Variants in ZNHIT6 observed in about 807,000 individuals in gnomAD.
ZNHIT6 encodes box C/D snoRNA protein 1.
In ZNHIT6, 45 loss-of-function variants were observed where a neutral mutation model predicts 57.2. The ratio of observed to expected loss-of-function variants is 0.79; its 90% CI spans 0.62 to 1.01. The LOEUF is 1.01. Among genes scored for constraint, ZNHIT6 ranks in the 50% least tolerant of loss-of-function variants. The pLI, the probability that ZNHIT6 is intolerant of heterozygous loss-of-function variation, is 0.00. For missense variants in ZNHIT6, 528 were observed against 567.3 expected (o/e 0.93, Z 0.70); for synonymous variants, 188 against 190.0 (o/e 0.99, Z 0.09).
chr1:85,655,348 A>C (rs1661032437), intron 9 of ZNHIT6, among the ~76,000 whole-genome samples: 1 of 152,164 alleles, frequency 6.6e-6, no homozygotes, highest in Non-Finnish European at 1.5e-5. Context: ...GCGAGGGAGA[A>C]TGGATGAAAG....
At chr1:85,670,247 C>T (rs1257980578) in intron 8 of ZNHIT6, among the ~76,000 whole-genome samples, 1 of 152,176 alleles carries the variant, frequency 6.6e-6, no homozygotes, top group Admixed American at 6.5e-5. Flanking sequence ...ATATTCTAGT[C>T]ATGTCCATTC....
chr1:85,678,289 C>T (rs1038792756), intron 7 of ZNHIT6, among the ~76,000 whole-genome samples: 3 of 152,032 alleles, frequency 2.0e-5, no homozygotes, highest in East Asian at 1.9e-4. Context: ...CAGAGTTTTT[C>T]GTTCAACCTC....
At position 85,677,215 on chromosome 1, in the gene ZNHIT6, TG is replaced by T; in HGVS notation, c.1247+20del. ...CAGAACTAAAAAATATTTAAAGAAA[TG>T]GGGAGGGGAGCAATTTTACCTTACT... On this transcript the variant is annotated intron_variant, in intron 8 of 9. Transcript: ENST00000370574. The T allele has an allele frequency of 1.3e-6, 2 of 1,557,510 alleles. No homozygotes were observed. The highest frequency in any genetic ancestry group is 1.4e-5 in the African/African-American group (1 of 72,556).
At position 85,707,526 on chromosome 1, in the gene ZNHIT6, C is replaced by G. The variant is rs1279482906; in HGVS notation, c.656+103G>C. On this transcript the variant is annotated intron_variant, in intron 1 of 9. Transcript: ENST00000370574. ...GACTCCAGAAACCCAAACTTGTGCT[C>G]ATTTTTCATTATTCCACCTTCTCCT... 181 of 1,346,438 alleles carry G rather than the reference C, an allele frequency of 1.3e-4. 1 individual carries two copies. The highest frequency in any genetic ancestry group is 1.1e-5 in the Non-Finnish European group (11 of 999,834). 83.4% of individuals were successfully genotyped at this position (1,346,438 alleles called of 1,614,324 possible).
chr1:85,667,961 A>AAAAAAAAATGTATATATATATAT, intron 8 of ZNHIT6, among the ~76,000 whole-genome samples: 1 of 18,200 alleles, frequency 5.5e-5, no homozygotes, highest in African/African-American at 2.1e-4. Flanking sequence ...AAAAAAAAAA[A>AAAAAAAAATGTATATATATATAT]ATATATATAT....
chr1:85,674,335 A>G (rs1355892373), intron 8 of ZNHIT6, among the ~76,000 whole-genome samples: 10 of 151,490 alleles, frequency 6.6e-5, no homozygotes, highest in African/African-American at 2.4e-4. Flanking sequence ...AGGTCCTGCT[A>G]TGTTTCTCAG....
At chr1:85,702,547 C>T (rs1662566478) in intron 4 of ZNHIT6, among the ~76,000 whole-genome samples, 1 of 152,128 alleles carries the variant, frequency 6.6e-6, no homozygotes, top group African/African-American at 2.4e-5. Flanking sequence ...GTGTTTCTAA[C>T]CATATGTTCT....
At chr1:85,677,659 T>C (rs1176946670) in intron 7 of ZNHIT6, among the ~76,000 whole-genome samples, 2 of 152,214 alleles carry the variant, frequency 1.3e-5, no homozygotes, top group Non-Finnish European at 2.9e-5. Flanking sequence ...TCAACTATCA[T>C]AGCTATTTTA....
intron 5 of ZNHIT6, 67 bp downstream of exon 5, chr1:85,702,090 A>C: frequency 1.8e-6 from 2 of 1,141,750 alleles, no homozygotes; most frequent in Non-Finnish European, 2.5e-6. Flanking sequence ...CTCTATAGCA[A>C]CCAAACCTTA....
At chr1:85,655,250 T>C (rs553364806) in intron 9 of ZNHIT6, among the ~76,000 whole-genome samples, 2 of 152,294 alleles carry the variant, frequency 1.3e-5, no homozygotes, top group Admixed American at 6.5e-5. Flanking sequence ...AAGTTTTACA[T>C]GCGTGTTCCA....
Position 85,695,471 on chromosome 1 carries a change from A to G in ZNHIT6, c.1019+6686T>C, listed in dbSNP as rs142404751. Among the ~76,000 whole-genome samples the G allele has an allele frequency of 5.3e-5, 8 of 152,290 alleles. No homozygotes were observed. In the East Asian group the frequency reaches 1.5e-3, roughly 29 times the overall value. ...ATTTTACTGATGAGGAAAATGAGAT[A>G]TAGAGTTAAAGCCACAAAACTAGTA... On this transcript the variant is annotated intron_variant, in intron 5 of 9. Coordinates refer to ENST00000370574, the MANE Select transcript of ZNHIT6 (RefSeq NM_017953.4).
rs5775862 is a variant in ZNHIT6, at chr1:85,667,628, TAA to T, written c.1247+9606_1247+9607del. The stretch of plus-strand genomic sequence containing the variant: ...GTAATTTAACATCAATATCATCCAT[TAA>T]AAAAAAAAAAAAAGAATAATGGCCA... On this transcript the variant is annotated intron_variant, in intron 8 of 9. Coordinates refer to ENST00000370574, the MANE Select transcript of ZNHIT6 (RefSeq NM_017953.4). Among the ~76,000 whole-genome samples the T allele has an allele frequency of 6.2e-3, 859 of 137,876 alleles. 4 individuals carry two copies. The highest frequency in any genetic ancestry group is 7.4e-3 in the Middle Eastern group (2 of 272). The allele number at this position is 137,876 out of a possible 152,430, so 90.5% of individuals were successfully genotyped here. A position where few individuals can be genotyped will look rare whatever the true frequency, so the allele number is the denominator to read the frequency against.
Position 85,698,683 on chromosome 1 carries a change from T to A in ZNHIT6, c.1019+3474A>T, listed in dbSNP as rs553072389. ...ATCTTAGGACAAGACCAACTTCTCA[T>A]ATCAACAATTCCAAAATCTCCAAAA... On this transcript the variant is annotated intron_variant, in intron 5 of 9. Transcript: ENST00000370574. Among the ~76,000 whole-genome samples, 4 of 152,248 alleles carry A rather than the reference T, an allele frequency of 2.6e-5. No homozygotes were observed. In the East Asian group the frequency reaches 7.7e-4, roughly 29 times the overall value.
chr1:85,672,513 A>G lies in ZNHIT6; in HGVS notation c.1247+4723T>C, dbSNP rs575073495. ...CTTAAGGCCCTCTGTACCCTCTCCTAGTCATAGGCCATTCACCTTTAATAA... is the reference window on the plus strand; with the variant it reads ...CTTAAGGCCCTCTGTACCCTCTCCTGGTCATAGGCCATTCACCTTTAATAA... On this transcript the variant is annotated intron_variant, in intron 8 of 9. Coordinates refer to ENST00000370574, the MANE Select transcript of ZNHIT6 (RefSeq NM_017953.4). 1.8e-4 allele frequency among the ~76,000 whole-genome samples: 28 copies of G among 152,288 alleles called. No homozygotes were observed. The South Asian group carries it at 5.6e-3, about 30-fold the overall frequency.
chr1:85,676,717 T>A (rs191792722), intron 8 of ZNHIT6, among the ~76,000 whole-genome samples: 1 of 152,236 alleles, frequency 6.6e-6, no homozygotes, highest in Non-Finnish European at 1.5e-5. Context: ...TGCCACCTTA[T>A]ATTGTGGTGC....
In ZNHIT6 at chr1:85,652,935, T is replaced by G. The variant is rs931612485; in HGVS notation, c.*1123A>C. Reference sequence around the variant, plus strand: ...CTGTATACAGAGCTGCCATAACGTATAAGTTAAGCCATGTATATACATTAA... The same window carrying G: ...CTGTATACAGAGCTGCCATAACGTAGAAGTTAAGCCATGTATATACATTAA... On this transcript the variant is annotated 3_prime_UTR_variant, in exon 10 of 10. Transcript: ENST00000370574. The G allele has an allele frequency of 6.6e-6, 1 of 152,194 alleles. No homozygotes were observed. The highest frequency in any genetic ancestry group is 1.5e-5 in the Non-Finnish European group (1 of 68,038). The allele number at this position is 152,194 out of a possible 1,614,324, so 9.4% of individuals were successfully genotyped here.
chr1:85,673,178 A>G (rs1661609481), intron 8 of ZNHIT6, among the ~76,000 whole-genome samples: 1 of 152,238 alleles, frequency 6.6e-6, no homozygotes, highest in Admixed American at 6.5e-5. Flanking sequence ...CCACAGGGGC[A>G]GGAACACTCT....
rs1372518105 is a variant in ZNHIT6, at chr1:85,659,555, A to G, written c.1248-1584T>C. Among the ~76,000 whole-genome samples, 3 of 152,342 alleles carry G rather than the reference A, an allele frequency of 2.0e-5. No individual in the cohort carries two copies. The South Asian group carries it at 6.2e-4, about 32-fold the overall frequency. ...AAGCACACTGGAACACAAGTGATCA[A>G]GAGTGAGGTTATCATTGGGATACAT... On this transcript the variant is annotated intron_variant, in intron 8 of 9. Coordinates refer to ENST00000370574, the MANE Select transcript of ZNHIT6 (RefSeq NM_017953.4).
chr1:85,702,353 T>A (rs2100719971), intron 4 of ZNHIT6, 93 bp from the exon 5 acceptor site: 1 of 749,590 alleles, frequency 1.3e-6, no homozygotes, highest in Non-Finnish European at 2.2e-6. Context: ...TAAGATTTAC[T>A]GAGAACCTAA....
Sources: gnomAD v4.1 joint callset for allele counts (sites outside exome capture counted in the v4.1 genomes callset) on GRCh38, gnomAD v4.1.1 for gene constraint, MANE v1.5 for transcripts, NCBI Gene and HGNC (gene_info 2026-07-23, HGNC 2026-07-21) for gene names.